Variants in DENND2B observed in about 807,000 individuals in gnomAD.
DENND2B encodes the protein DENN domain-containing protein 2B.
DENND2B carries 32 observed loss-of-function variants against 116.0 expected under a neutral mutation model. That is an observed-to-expected ratio of 0.28 (90% CI 0.21 to 0.37). The LOEUF is 0.37. Ranked by LOEUF, DENND2B falls within the 10% of genes least tolerant of loss-of-function variation. The pLI is 1.00. For missense variants in DENND2B, 1,276 were observed against 1,477.7 expected, an observed-to-expected ratio of 0.86 and a Z score of 2.24; for synonymous variants, 588 against 583.9, an observed-to-expected ratio of 1.01 and a Z score of -0.10.
intron 1 of DENND2B, chr11:8,810,049 CTTT>C (rs55725261): frequency 1.4e-3 from 183 of 129,600 alleles, no homozygotes; most frequent in Middle Eastern, 8.8e-3. Flanking sequence ...CTTAATTAGC[CTTT>C]TTTTTTTTTT....
intron 1 of DENND2B, among the ~76,000 whole-genome samples, chr11:8,778,526 A>G (rs1188646978): frequency 6.6e-6 from 1 of 152,224 alleles, no homozygotes; most frequent in Non-Finnish European, 1.5e-5. Flanking sequence ...TTAGCAACAG[A>G]AACAAAGTAC....
chr11:8,783,541 G>C (rs919593640), intron 1 of DENND2B, among the ~76,000 whole-genome samples: 2 of 152,156 alleles, frequency 1.3e-5, no homozygotes, highest in Non-Finnish European at 2.9e-5. Flanking sequence ...CACATATGAA[G>C]AAGATCCCAA....
Position 8,730,845 on chromosome 11 carries a change from C to T in DENND2B, c.445G>A (p.Gly149Ser). Residue 149 changes from glycine (G) to serine (S), a missense_variant, in exon 3 of 20, where the codon GGC becomes AGC. Gly to Ser is a moderately conservative substitution (Grantham distance 56, BLOSUM62 0). This residue lies in a region of DENND2B where 856 missense variants were observed against 846.6 expected (regional missense o/e 1.01). Transcript: ENST00000313726. The surrounding 1 kb of genome is among the most constrained non-coding windows in gnomAD (Gnocchi z 4.1). Reference protein sequence around the residue: ...PFPGPAAGPRGVLLTRTGTRA... With the variant: ...PFPGPAAGPRSVLLTRTGTRA... ...GTACCGGTACGGGTCAGCAAGACGC[C>T]CCGGGGGCCAGCTGCTGGCCCCGGG... 6.2e-7 allele frequency: 1 copy of T among 1,613,314 alleles called. No homozygotes were observed. The highest frequency in any genetic ancestry group is 8.5e-7 in the Non-Finnish European group (1 of 1,179,954).
At chr11:8,903,191 A>T (rs1364908939) in intron 1 of DENND2B, among the ~76,000 whole-genome samples, 2 of 152,130 alleles carry the variant, frequency 1.3e-5, no homozygotes, top group African/African-American at 4.8e-5. Context: ...TTATTTATTT[A>T]TTTTTTGAGA....
rs144004554 is a variant in DENND2B at position 8,703,584 on chromosome 11, C to T, written c.2572-864G>A. The T allele has an allele frequency of 2.6e-5, 4 of 152,586 alleles. No homozygotes were observed. The East Asian group carries it at 5.8e-4, about 22-fold the overall frequency. The allele number at this position is 152,586 out of a possible 1,614,324, so 9.5% of individuals were successfully genotyped here. ...TCCTTGGTCCCGCAGCATGTGTGTG[C>T]AGCATAGATGTGCAGGCCTCCTGAA... On this transcript the variant is annotated intron_variant, in intron 13 of 19. Transcript: ENST00000313726.
At chr11:8,823,229 C>T (rs1297662195) in intron 4 of DENND2B, among the ~76,000 whole-genome samples, 1 of 152,048 alleles carries the variant, frequency 6.6e-6, no homozygotes, top group Non-Finnish European at 1.5e-5. Context: ...TTTATCTGGA[C>T]TTCAGAAAAA....
At position 8,844,246 on chromosome 11, in the gene DENND2B, GA is replaced by G. The variant is rs1029537289; in HGVS notation, c.-155-4897del. Among the ~76,000 whole-genome samples, 18 of 151,408 alleles carry G rather than the reference GA, an allele frequency of 1.2e-4. No homozygotes were observed. The South Asian group carries it at 3.6e-3, about 30-fold the overall frequency. ...GAAACCTCAGCTCCACAAAAAAATC[GA>G]AAAGTTAGCCAAGTGTGGTGGTGCA... is the stretch of plus-strand genomic sequence containing the variant. On this transcript the variant is annotated intron_variant, in intron 3 of 6. Transcript: ENST00000524757.
chr11:8,839,747 A>T (rs2062561638), intron 3 of DENND2B, among the ~76,000 whole-genome samples: 1 of 152,182 alleles, frequency 6.6e-6, no homozygotes. Context: ...ACACATTCCT[A>T]AGGTCCAGAA....
At chr11:8,812,024 C>A (rs2061400039), upstream of DENND2B, among the ~76,000 whole-genome samples, 1 of 152,214 alleles carries the variant, frequency 6.6e-6, no homozygotes, top group East Asian at 1.9e-4. Context: ...CAGGCGTGAG[C>A]CAGCATACTG....
At chr11:8,779,513 TC>T (rs5789584) in intron 1 of DENND2B, among the ~76,000 whole-genome samples, 70,366 of 126,962 alleles carry the variant, frequency 0.55, 19,985 homozygotes, top group Non-Finnish European at 0.63. Flanking sequence ...TTTCTTTCTT[TC>T]TTTTTTTTTT....
At chr11:8,866,598 C>T (rs1370829853) in intron 2 of DENND2B, among the ~76,000 whole-genome samples, 1 of 152,160 alleles carries the variant, frequency 6.6e-6, no homozygotes, top group African/African-American at 2.4e-5. Flanking sequence ...ACACAAAATA[C>T]AAACTGGGAG....
chr11:8,801,240 G>A (rs2060281768), intron 1 of DENND2B, among the ~76,000 whole-genome samples: 1 of 152,004 alleles, frequency 6.6e-6, no homozygotes, highest in African/African-American at 2.4e-5. Flanking sequence ...CTTTACAAAA[G>A]CAAGGTACAG....
intron 3 of DENND2B, among the ~76,000 whole-genome samples, chr11:8,854,797 C>A (rs1014166639): frequency 2.0e-5 from 3 of 152,106 alleles, no homozygotes; most frequent in East Asian, 1.9e-4. Context: ...ACTGCAACCT[C>A]TTCCACCCAG....
intron 1 of DENND2B, among the ~76,000 whole-genome samples, chr11:8,778,449 A>C (rs1405153286): frequency 6.6e-6 from 1 of 152,186 alleles, no homozygotes; most frequent in East Asian, 1.9e-4. Flanking sequence ...CAGCTCAAAT[A>C]TTCAGTCTCC....
At chr11:8,821,093 C>T (rs2061743087) in intron 4 of DENND2B, among the ~76,000 whole-genome samples, 1 of 149,618 alleles carries the variant, frequency 6.7e-6, no homozygotes, top group African/African-American at 2.5e-5. Flanking sequence ...GCATTCCAGC[C>T]TGGGCAACAG....
intron 3 of DENND2B, 55 bp from the exon 4 acceptor site, chr11:8,726,264 G>C (rs1207803090): frequency 1.9e-6 from 3 of 1,554,364 alleles, no homozygotes; most frequent in Non-Finnish European, 2.6e-6. Context: ...CTGCTGCCTT[G>C]CTGGGGAATG....
At chr11:8,854,347 G>A (rs551126241) in intron 3 of DENND2B, among the ~76,000 whole-genome samples, 23 of 151,746 alleles carry the variant, frequency 1.5e-4, no homozygotes, top group Non-Finnish European at 2.2e-4. Flanking sequence ...GATTACAGGC[G>A]TGCACCACCA....
chr11:8,746,060 T>G (rs1047349822), intron 2 of DENND2B, among the ~76,000 whole-genome samples: 6 of 151,574 alleles, frequency 4.0e-5, no homozygotes, highest in Non-Finnish European at 7.4e-5. Flanking sequence ...ACTGACAGCA[T>G]CATGGTTGGA....
chr11:8,856,681 C>T (rs940181866), intron 3 of DENND2B, among the ~76,000 whole-genome samples: 8 of 152,144 alleles, frequency 5.3e-5, no homozygotes, highest in Non-Finnish European at 8.8e-5. Context: ...CAGGCCCAGG[C>T]CCTCTCTGGG....
Sources: gnomAD v4.1 joint callset for allele counts (sites outside exome capture counted in the v4.1 genomes callset) on GRCh38, gnomAD v4.1.1 for gene constraint, gnomAD v4.1.1 regional missense constraint, Gnocchi (gnomAD v3.1) non-coding constraint, MANE v1.5 for transcripts, NCBI Gene and HGNC (gene_info 2026-07-23, HGNC 2026-07-21) for gene names.